HAAO: variants seen among roughly 807,000 people sequenced by gnomAD.
HAAO encodes the protein 3-hydroxyanthranilate 3,4-dioxygenase, also known as 3-hydroxyanthranilate oxygenase.
A neutral mutation model predicts 46.2 loss-of-function variants in HAAO; 49 were observed. That is an observed-to-expected ratio of 1.06 (90% CI 0.84 to 1.34). HAAO has a LOEUF of 1.34. Ranked by LOEUF, HAAO falls within the 40% of genes most tolerant of loss-of-function variation. The pLI is 0.00. For missense variants in HAAO, 408 were observed against 364.5 expected, an observed-to-expected ratio of 1.12 and a Z score of -0.97; for synonymous variants, 157 against 145.2, an observed-to-expected ratio of 1.08 and a Z score of -0.58.
intron 2 of HAAO, among the ~76,000 whole-genome samples, chr2:42,787,706 C>T (rs893199961): frequency 9.9e-5 from 15 of 152,274 alleles, no homozygotes; most frequent in Non-Finnish European, 2.2e-4. Context: ...GGGACAGAGG[C>T]TGTTGATCAA....
intron 2 of HAAO, 29 bp from the exon 3 acceptor site, chr2:42,783,896 T>G: frequency 6.3e-7 from 1 of 1,589,936 alleles, no homozygotes; most frequent in Non-Finnish European, 8.6e-7. Context: ...GCTTGGACCC[T>G]CCGCACTTTC....
At chr2:42,790,864 G>A (rs574576059) in intron 1 of HAAO, among the ~76,000 whole-genome samples, 46 of 152,244 alleles carry the variant, frequency 3.0e-4, no homozygotes, top group African/African-American at 1.1e-3. Context: ...ACTTCACTGA[G>A]ATGTAATTTA....
chr2:42,791,823 T>C (rs1335094141), intron 1 of HAAO, among the ~76,000 whole-genome samples: 2 of 152,026 alleles, frequency 1.3e-5, no homozygotes, highest in Non-Finnish European at 2.9e-5. Flanking sequence ...GGGGAGGGCC[T>C]GAGAGGTCTG....
chr2:42,789,372 C>T (rs544963939), intron 1 of HAAO, among the ~76,000 whole-genome samples: 2 of 152,264 alleles, frequency 1.3e-5, no homozygotes, highest in Non-Finnish European at 2.9e-5. Context: ...CTTGAGGCCA[C>T]TAGCCTGGCC....
intron 2 of HAAO, among the ~76,000 whole-genome samples, chr2:42,787,952 A>G (rs1162623055): frequency 6.6e-6 from 1 of 151,940 alleles, no homozygotes; most frequent in East Asian, 1.9e-4. Context: ...TGCCCCAGCC[A>G]CAAGCCACGA....
At chr2:42,786,374 G>T (rs1444948249) in intron 2 of HAAO, among the ~76,000 whole-genome samples, 1 of 152,130 alleles carries the variant, frequency 6.6e-6, no homozygotes, top group Non-Finnish European at 1.5e-5. Flanking sequence ...CCTGGGGCTG[G>T]CTAGAAGATT....
chr2:42,784,786 C>T (rs561840078), intron 2 of HAAO, among the ~76,000 whole-genome samples: 1 of 152,360 alleles, frequency 6.6e-6, no homozygotes, highest in Admixed American at 6.5e-5. Flanking sequence ...CCACTAGGCA[C>T]AAATAGTCAC....
intron 1 of HAAO, among the ~76,000 whole-genome samples, chr2:42,792,030 G>A (rs994334209): frequency 8.5e-5 from 13 of 152,166 alleles, no homozygotes; most frequent in African/African-American, 3.1e-4. Flanking sequence ...CCCTTTGCCT[G>A]TGGCTTCTGG....
chr2:42,792,504 C>T lies in HAAO; in HGVS notation c.33G>A (p.Val11=), dbSNP rs1246070930. The change falls in exon 1 of 10, where the codon GTG becomes GTA. Residue 11 remains valine (V), a synonymous_variant. Transcript: ENST00000294973. MERRLGVRAW[V]KENRGSFQPP... The stretch of plus-strand genomic sequence containing the variant: ...GCTGGAAGGAGCCCCGGTTCTCCTT[C>T]ACCCAGGCCCTCACTCCCAGGCGGC... 2 of 1,593,724 alleles carry T rather than the reference C, an allele frequency of 1.3e-6. No individual in the cohort carries two copies. The highest frequency in any genetic ancestry group is 1.7e-6 in the Non-Finnish European group (2 of 1,170,702).
At chr2:42,768,498 C>T (rs931432653) in intron 7 of HAAO, among the ~76,000 whole-genome samples, 3 of 152,112 alleles carry the variant, frequency 2.0e-5, no homozygotes, top group Non-Finnish European at 4.4e-5. Context: ...GTGACATGTG[C>T]GCATGTTCTC....
chr2:42,780,959 C>T (rs796387863), intron 4 of HAAO, among the ~76,000 whole-genome samples: 2 of 151,268 alleles, frequency 1.3e-5, no homozygotes, highest in African/African-American at 4.9e-5. Flanking sequence ...CGCCTGTAGT[C>T]CCAGCTACTC....
Position 42,772,622 on chromosome 2 carries a change from A to G in HAAO, c.351-2040T>C, listed in dbSNP as rs183532309. On this transcript the variant is annotated intron_variant, in intron 4 of 9. Transcript: ENST00000294973. ...CAATTTTTTTTGTTTTCCCTTTTTT[A>G]TTATTTTGTTTTCTTGAGATATAAT... Among the ~76,000 whole-genome samples the G allele has an allele frequency of 7.3e-3, 1,102 of 151,812 alleles. 5 individuals are homozygous for G. The highest frequency in any genetic ancestry group is 0.012 in the Non-Finnish European group (842 of 67,934).
chr2:42,787,830 C>T (rs1425281076), intron 2 of HAAO, among the ~76,000 whole-genome samples: 1 of 152,142 alleles, frequency 6.6e-6, no homozygotes, highest in Non-Finnish European at 1.5e-5. Flanking sequence ...AGGGGACACA[C>T]CTTTCTCTTT....
intron 1 of HAAO, among the ~76,000 whole-genome samples, chr2:42,791,128 ATGAGGTCATCC>A (rs1193430776): frequency 6.6e-6 from 1 of 152,194 alleles, no homozygotes; most frequent in East Asian, 1.9e-4. Context: ...TTAGGTTAGG[ATGAGGTCATCC>A]TGGAGTAGGG....
At chr2:42,784,146 T>G (rs546918229) in intron 2 of HAAO, among the ~76,000 whole-genome samples, 3 of 152,220 alleles carry the variant, frequency 2.0e-5, no homozygotes, top group East Asian at 3.9e-4. Flanking sequence ...CTGGATGAAA[T>G]GCTCACTGGG....
intron 4 of HAAO, among the ~76,000 whole-genome samples, chr2:42,776,209 T>G (rs1465665355): frequency 6.6e-6 from 1 of 151,498 alleles, no homozygotes; most frequent in Admixed American, 6.6e-5. Flanking sequence ...TTCTGTAATT[T>G]TATGTTTGAC....
chr2:42,781,760 A>T (rs937755411), intron 4 of HAAO, among the ~76,000 whole-genome samples: 1 of 152,112 alleles, frequency 6.6e-6, no homozygotes, highest in African/African-American at 2.4e-5. Context: ...TGTAATCCCA[A>T]CTACTCAAGA....
rs767026824 is a variant in HAAO at position 42,767,648 on chromosome 2, T to C, written c.729A>G (p.Gly243=). The change falls in exon 9 of 10, where the codon GGA becomes GGG. Residue 243 remains glycine, a synonymous_variant. Coordinates refer to ENST00000294973, the MANE Select transcript of HAAO (RefSeq NM_012205.3). ...LEGSSVVTMG[G]RRLSLAPDDS... ...CATCAGGGGCCAGGCTCAGGCGCCG[T>C]CCCCCCATTGTCACCACCGAGGAGC... 6.4e-7 allele frequency: 1 copy of C among 1,567,806 alleles called. No homozygotes were observed. The highest frequency in any genetic ancestry group is 8.7e-7 in the Non-Finnish European group (1 of 1,155,776).
At chr2:42,790,284 A>G (rs568959091) in intron 1 of HAAO, among the ~76,000 whole-genome samples, 1 of 152,224 alleles carries the variant, frequency 6.6e-6, no homozygotes, top group African/African-American at 2.4e-5. Flanking sequence ...GTTGCAGGGC[A>G]GGAGAAGGCT....
Sources: gnomAD v4.1 joint callset for allele counts (sites outside exome capture counted in the v4.1 genomes callset) on GRCh38, gnomAD v4.1.1 for gene constraint, MANE v1.5 for transcripts, NCBI Gene and HGNC (gene_info 2026-07-23, HGNC 2026-07-21) for gene names.